The following DNAH3 variants were observed in gnomAD, a reference collection of about 807,000 sequenced individuals.
DNAH3 encodes the protein axonemal beta dynein heavy chain 3.
DNAH3 carries 332 observed loss-of-function variants against 432.5 expected under a neutral mutation model. The observed-to-expected ratio is 0.77, with a 90% CI of 0.70 to 0.84. The LOEUF is 0.84. DNAH3 is among the 40% of genes least tolerant of loss of function. DNAH3 has a pLI of 0.00. For synonymous variants in DNAH3, 1,956 were observed against 1,900.2 expected (o/e 1.03, Z -0.76); for missense variants, 4,861 against 5,114.0 (o/e 0.95, Z 1.51).
chr16:20,962,354 TTTTAA>T (rs1254489487), intron 53 of DNAH3, among the ~76,000 whole-genome samples: 1 of 152,076 alleles, frequency 6.6e-6, no homozygotes, highest in African/African-American at 2.4e-5. Context: ...ACCCCAAAGA[TTTTAA>T]TTTAATTGGC....
chr16:21,081,493 T>C (rs1310869817), intron 20 of DNAH3, 143 bp downstream of exon 20: 1 of 571,182 alleles, frequency 1.8e-6, no homozygotes, highest in Non-Finnish European at 3.1e-6. Context: ...AGTTGGTAGC[T>C]GCAGGTAATT....
intron 41 of DNAH3, among the ~76,000 whole-genome samples, chr16:21,009,911 A>AGGAAG (rs2087501321): frequency 1.5e-5 from 1 of 67,280 alleles, no homozygotes; most frequent in Non-Finnish European, 2.6e-5. Flanking sequence ...AGGAGAGGAG[A>AGGAAG]GGAGGGGAGG....
intron 16 of DNAH3, among the ~76,000 whole-genome samples, chr16:21,099,438 G>C (rs1361627482): frequency 6.6e-6 from 1 of 152,210 alleles, no homozygotes. Flanking sequence ...TGTAGCTACA[G>C]TGACCAGGAG....
intron 54 of DNAH3, among the ~76,000 whole-genome samples, chr16:20,955,309 C>T (rs1002203489): frequency 1.3e-5 from 2 of 152,034 alleles, no homozygotes; most frequent in Non-Finnish European, 2.9e-5. Flanking sequence ...TCCCTTAAGC[C>T]TCACAGCCAC....
At chr16:21,068,485 T>C (rs2090659390) in intron 23 of DNAH3, among the ~76,000 whole-genome samples, 2 of 152,136 alleles carry the variant, frequency 1.3e-5, no homozygotes, top group Admixed American at 6.6e-5. Context: ...AGTTAATTTT[T>C]TATATTTTTA....
chr16:20,943,808 C>G (rs2083920569), intron 58 of DNAH3, among the ~76,000 whole-genome samples: 1 of 151,154 alleles, frequency 6.6e-6, no homozygotes, highest in Non-Finnish European at 1.5e-5. Context: ...TGATGAAACA[C>G]TGTCTCTACA....
At chr16:20,975,074 A>C (rs1185010488) in intron 51 of DNAH3, among the ~76,000 whole-genome samples, 159 bp downstream of exon 51, 7 of 135,488 alleles carry the variant, frequency 5.2e-5, no homozygotes, top group East Asian at 2.2e-4. Context: ...CAGGTGATCC[A>C]CCTCCCTTGG....
chr16:21,146,990 C>T (rs1466128714), intron 1 of DNAH3, among the ~76,000 whole-genome samples: 1 of 151,942 alleles, frequency 6.6e-6, no homozygotes, highest in African/African-American at 2.4e-5. Flanking sequence ...GAACTCCTGG[C>T]CTCAAGTGAT....
chr16:21,034,286 T>C (rs1457055442), intron 35 of DNAH3, among the ~76,000 whole-genome samples: 1 of 152,212 alleles, frequency 6.6e-6, no homozygotes, highest in Non-Finnish European at 1.5e-5. Flanking sequence ...TCTCAGATTA[T>C]TTAAGGGATG....
At chr16:21,069,644 C>A (rs1304286402) in intron 22 of DNAH3, 50 bp from the exon 23 acceptor site, 2 of 1,515,530 alleles carry the variant, frequency 1.3e-6, no homozygotes, top group South Asian at 1.2e-5. Flanking sequence ...CACTCTGCAT[C>A]ACAGGCCCAT....
rs371377942 is a variant in DNAH3 at position 21,019,930 on chromosome 16, T to C, written c.5777-61A>G. The stretch of plus-strand genomic sequence containing the variant: ...CAGAATGCCACAGATGTAAGGGCTG[T>C]GAACTGGTTGGCTTTGCCTTTGAAG... On this transcript the variant is annotated intron_variant, in intron 40 of 61. Coordinates refer to ENST00000261383, the Ensembl canonical transcript of DNAH3. The C allele has an allele frequency of 3.4e-5, 53 of 1,580,370 alleles. No homozygotes were observed. The South Asian group carries it at 4.6e-4, about 14-fold the overall frequency.
At chr16:21,106,405 T>C (rs1173125049) in intron 15 of DNAH3, 85 bp downstream of exon 15, 17 of 1,099,380 alleles carry the variant, frequency 1.5e-5, no homozygotes, top group Non-Finnish European at 2.1e-5. Flanking sequence ...TAAATACATA[T>C]AGACTATTTG....
chr16:21,104,550 G>C (rs745966105), exon 16 of DNAH3: 1 of 1,613,778 alleles, frequency 6.2e-7, no homozygotes, highest in Non-Finnish European at 8.5e-7. Context: ...TCTTCAATCT[G>C]GTCTGGCCAG....
intron 52 of DNAH3, among the ~76,000 whole-genome samples, chr16:20,966,120 C>A (rs2085052843): frequency 1.4e-5 from 2 of 140,806 alleles, no homozygotes; most frequent in South Asian, 4.6e-4. Flanking sequence ...TCACTGCAAC[C>A]TCTGCCTCCT....
chr16:20,980,176 T>A (rs561172243), intron 49 of DNAH3, among the ~76,000 whole-genome samples: 8,953 of 138,226 alleles, frequency 0.065, 460 homozygotes, highest in African/African-American at 0.12. Context: ...AAAAAATATA[T>A]ATATATATAT....
At chr16:21,082,274 T>G (rs2091215198) in intron 19 of DNAH3, among the ~76,000 whole-genome samples, 1 of 152,200 alleles carries the variant, frequency 6.6e-6, no homozygotes, top group East Asian at 1.9e-4. Context: ...CACTGCAGCC[T>G]TGACCTCCCA....
intron 3 of DNAH3, 92 bp from the exon 5 acceptor site, chr16:21,141,464 A>G (rs1262502378): frequency 1.2e-5 from 11 of 917,094 alleles, no homozygotes; most frequent in Non-Finnish European, 1.7e-5. Context: ...ACAGTCCAGG[A>G]GCACACTAAG....
chr16:20,988,126 G>C, intron 44 of DNAH3, 61 bp from the exon 45 acceptor site: 2 of 1,599,374 alleles, frequency 1.3e-6, no homozygotes, highest in Non-Finnish European at 1.7e-6. Flanking sequence ...CACTGTCTGT[G>C]ACCCTAGGAT....
intron 52 of DNAH3, among the ~76,000 whole-genome samples, chr16:20,966,715 G>A (rs1003160070): frequency 2.0e-5 from 3 of 152,172 alleles, no homozygotes; most frequent in Non-Finnish European, 4.4e-5. Context: ...GCCACAGCCC[G>A]TGGGGATGAG....
Sources: allele counts gnomAD v4.1 joint callset (sites outside exome capture counted in the v4.1 genomes callset), GRCh38; gene constraint gnomAD v4.1.1; transcripts MANE v1.5; gene names NCBI Gene and HGNC (gene_info 2026-07-23, HGNC 2026-07-21).